PCBP3: variants seen among roughly 807,000 people sequenced by gnomAD.
The protein encoded by PCBP3 is poly(rC) binding protein 3.
Under a neutral mutation model 52.7 loss-of-function variants are expected in PCBP3, and 25 were observed. The observed-to-expected ratio is 0.47, with a 90% CI of 0.35 to 0.66. The LOEUF is 0.66. Ranked by LOEUF, PCBP3 falls within the 30% of genes least tolerant of loss-of-function variation. PCBP3 has a pLI of 0.01. For synonymous variants in PCBP3, 162 were observed against 183.0 expected, an observed-to-expected ratio of 0.89 and a Z score of 0.93; for missense variants, 391 against 490.3, an observed-to-expected ratio of 0.80 and a Z score of 1.91.
chr21:45,666,967 T>C (rs2080837231), intron 1 of PCBP3, among the ~76,000 whole-genome samples: 2 of 152,144 alleles, frequency 1.3e-5, no homozygotes, highest in South Asian at 4.1e-4. Flanking sequence ...TTATTGAATG[T>C]ATAATTTTTT....
intron 1 of PCBP3, among the ~76,000 whole-genome samples, chr21:45,668,160 C>T (rs541341037): frequency 7.9e-5 from 12 of 152,220 alleles, no homozygotes; most frequent in East Asian, 1.9e-4. Context: ...TCTGGGCATT[C>T]GCACAACCTT....
At chr21:45,857,776 C>T (rs1202298781) in intron 5 of PCBP3, among the ~76,000 whole-genome samples, 1 of 152,212 alleles carries the variant, frequency 6.6e-6, no homozygotes, top group African/African-American at 2.4e-5. Context: ...TTTAGCTCTT[C>T]TTGTTGACAG....
chr21:45,921,433 A>G (rs1326370282), intron 13 of PCBP3, among the ~76,000 whole-genome samples: 1 of 152,208 alleles, frequency 6.6e-6, no homozygotes, highest in Non-Finnish European at 1.5e-5. Flanking sequence ...GTATTTCTTT[A>G]TGTAAAACTA....
At chr21:45,843,524 T>A (rs183222927) in intron 4 of PCBP3, among the ~76,000 whole-genome samples, 1 of 152,238 alleles carries the variant, frequency 6.6e-6, no homozygotes, top group South Asian at 2.1e-4. Flanking sequence ...CTTTACTCCT[T>A]TTAAAAGCTA....
intron 2 of PCBP3, among the ~76,000 whole-genome samples, chr21:45,678,282 G>A (rs1320001467): frequency 6.6e-6 from 1 of 151,442 alleles, no homozygotes; most frequent in Non-Finnish European, 1.5e-5. Flanking sequence ...CTCTAGCCTG[G>A]GCGACAGAGC....
In PCBP3 at chr21:45,814,864, G is replaced by A. The variant is rs1418971750; in HGVS notation, c.-125-35097G>A. Among the ~76,000 whole-genome samples the A allele has an allele frequency of 6.0e-5, 8 of 133,298 alleles. 1 individual carries two copies. Among genetic ancestry groups the A allele is most frequent in the African/African-American group, 1.8e-4 (6 of 32,970 alleles). 87.4% of individuals were successfully genotyped at this position (133,298 alleles called of 152,430 possible). A position where few individuals can be genotyped will look rare whatever the true frequency, so the allele number is the denominator to read the frequency against. ...ATGATGAGTGAGTGGTGAGTGATGAGTGGTGACTGGTGAGTGAGTGGTGAG... is the reference window on the plus strand; with the variant it reads ...ATGATGAGTGAGTGGTGAGTGATGAATGGTGACTGGTGAGTGAGTGGTGAG... On this transcript the variant is annotated intron_variant, in intron 4 of 17. Transcript: ENST00000681687.
chr21:45,902,048 G>T (rs914382905), intron 9 of PCBP3, among the ~76,000 whole-genome samples: 3 of 152,228 alleles, frequency 2.0e-5, no homozygotes, highest in Non-Finnish European at 2.9e-5. Context: ...GCAGGAGGGG[G>T]AGCTTGGGAG....
chr21:45,795,841 G>T (rs1939776695), intron 4 of PCBP3, among the ~76,000 whole-genome samples: 2 of 152,216 alleles, frequency 1.3e-5, no homozygotes, highest in African/African-American at 4.8e-5. Flanking sequence ...TCAAGAAAGA[G>T]AAGGTGTGAA....
chr21:45,822,426 A>G (rs1464971313), intron 4 of PCBP3, among the ~76,000 whole-genome samples: 1 of 152,248 alleles, frequency 6.6e-6, no homozygotes, highest in Non-Finnish European at 1.5e-5. Flanking sequence ...ATCTCTTTCC[A>G]GGTGACTATA....
chr21:45,758,771 G>A (rs1157645898), intron 4 of PCBP3, among the ~76,000 whole-genome samples: 1 of 151,820 alleles, frequency 6.6e-6, no homozygotes, highest in East Asian at 1.9e-4. Context: ...GATCCCCAGT[G>A]GGATGTTGAT....
At chr21:45,777,844 T>C (rs1273012261) in intron 4 of PCBP3, among the ~76,000 whole-genome samples, 1 of 152,088 alleles carries the variant, frequency 6.6e-6, no homozygotes, top group African/African-American at 2.4e-5. Flanking sequence ...TTTTTCAGAA[T>C]TCTCTTGTAT....
chr21:45,745,458 T>C (rs2086758011), intron 3 of PCBP3, among the ~76,000 whole-genome samples: 1 of 152,178 alleles, frequency 6.6e-6, no homozygotes, highest in Non-Finnish European at 1.5e-5. Context: ...CCATTCTCGA[T>C]GTGTGGTTTC....
intron 15 of PCBP3, among the ~76,000 whole-genome samples, chr21:45,934,974 C>T (rs1303575891): frequency 6.6e-6 from 1 of 152,220 alleles, no homozygotes; most frequent in African/African-American, 2.4e-5. Flanking sequence ...ACAAACATAA[C>T]AGGGGAGTGA....
intron 2 of PCBP3, among the ~76,000 whole-genome samples, chr21:45,684,976 C>T (rs982216575): frequency 2.0e-5 from 3 of 152,178 alleles, no homozygotes; most frequent in South Asian, 4.1e-4. Flanking sequence ...CTGCCCCCTG[C>T]CACTCTGCTA....
intron 13 of PCBP3, among the ~76,000 whole-genome samples, chr21:45,927,781 A>G (rs1395888126): frequency 6.6e-6 from 1 of 152,076 alleles, no homozygotes; most frequent in Non-Finnish European, 1.5e-5. Context: ...CCCCCACTTT[A>G]TAGTCAAGGA....
intron 3 of PCBP3, among the ~76,000 whole-genome samples, chr21:45,740,641 GTGTGTGTGCA>G (rs1323984908): frequency 7.7e-6 from 1 of 130,676 alleles, no homozygotes; most frequent in African/African-American, 3.1e-5. Context: ...TGTGTGTGAA[GTGTGTGTGCA>G]TGTGTATTTA....
intron 5 of PCBP3, among the ~76,000 whole-genome samples, chr21:45,874,179 A>G (rs1427285395): frequency 1.3e-5 from 2 of 152,236 alleles, no homozygotes; most frequent in South Asian, 2.1e-4. Flanking sequence ...CTGCAGCTTC[A>G]TGTCTAGATC....
chr21:45,789,184 G>A (rs956786758), intron 4 of PCBP3, among the ~76,000 whole-genome samples: 10 of 152,226 alleles, frequency 6.6e-5, no homozygotes, highest in African/African-American at 1.9e-4. Flanking sequence ...GCACACGTGC[G>A]TGTGCATGTG....
At chr21:45,695,647 A>C (rs1000094531) in intron 2 of PCBP3, among the ~76,000 whole-genome samples, 1 of 152,070 alleles carries the variant, frequency 6.6e-6, no homozygotes, top group African/African-American at 2.4e-5. Flanking sequence ...TTGATAGTTA[A>C]TCCCTTTTAC....
Sources: gnomAD v4.1 joint callset for allele counts (sites outside exome capture counted in the v4.1 genomes callset) on GRCh38, gnomAD v4.1.1 for gene constraint, MANE v1.5 for transcripts, NCBI Gene and HGNC (gene_info 2026-07-23, HGNC 2026-07-21) for gene names.